The following PAPPA variants were observed in gnomAD, a reference collection of about 807,000 sequenced individuals.
The protein encoded by PAPPA is pappalysin-1.
A neutral mutation model predicts 164.0 loss-of-function variants in PAPPA; 60 were observed. That is an observed-to-expected ratio of 0.37 (90% CI 0.30 to 0.45). The LOEUF (loss-of-function observed/expected upper bound fraction) is 0.45. Among genes scored for constraint, PAPPA ranks in the 20% least tolerant of loss-of-function variants. The pLI, the probability that PAPPA is intolerant of heterozygous loss-of-function variation, is 1.00. For missense variants in PAPPA, 1,782 were observed against 2,087.3 expected (o/e 0.85, Z 2.85); for synonymous variants, 875 against 814.1 (o/e 1.07, Z -1.27).
At chr9:116,326,611 C>T (rs1395845700) in intron 10 of PAPPA, among the ~76,000 whole-genome samples, 1 of 152,174 alleles carries the variant, frequency 6.6e-6, no homozygotes, top group Non-Finnish European at 1.5e-5. Flanking sequence ...GATCTACCCT[C>T]TTAACAAATT....
intron 7 of PAPPA, among the ~76,000 whole-genome samples, chr9:116,257,130 G>T (rs1844937437): frequency 6.6e-6 from 1 of 151,936 alleles, no homozygotes; most frequent in Admixed American, 6.6e-5. Context: ...ACAGAATTCA[G>T]CAATGTATTA....
chr9:116,246,314 A>G (rs1236121832), intron 7 of PAPPA, among the ~76,000 whole-genome samples: 1 of 152,170 alleles, frequency 6.6e-6, no homozygotes, highest in Non-Finnish European at 1.5e-5. Context: ...CTGGTAAAAT[A>G]ATGGGTTTGA....
chr9:116,358,918 C>T (rs1035966920), intron 17 of PAPPA, among the ~76,000 whole-genome samples: 1 of 152,188 alleles, frequency 6.6e-6, no homozygotes. Flanking sequence ...TGAGTAAGAA[C>T]CTCATCTGAC....
chr9:116,340,310 T>C (rs939553530), intron 13 of PAPPA, among the ~76,000 whole-genome samples: 1 of 152,216 alleles, frequency 6.6e-6, no homozygotes, highest in African/African-American at 2.4e-5. Context: ...GTTAGGGTAA[T>C]GTTTATCATT....
chr9:116,246,681 A>C (rs1176682246), intron 7 of PAPPA, among the ~76,000 whole-genome samples: 1 of 152,168 alleles, frequency 6.6e-6, no homozygotes, highest in Non-Finnish European at 1.5e-5. Context: ...GAGTCTAGAC[A>C]TTGAAGTCAA....
chr9:116,216,873 C>T (rs1309467134), intron 4 of PAPPA, among the ~76,000 whole-genome samples: 1 of 152,114 alleles, frequency 6.6e-6, no homozygotes, highest in Non-Finnish European at 1.5e-5. Flanking sequence ...TCCTGAGTAG[C>T]TGGGATTACA....
intron 9 of PAPPA, among the ~76,000 whole-genome samples, chr9:116,274,343 C>T (rs1180449002): frequency 1.3e-5 from 2 of 152,168 alleles, no homozygotes; most frequent in Non-Finnish European, 2.9e-5. Flanking sequence ...TCCCAGAGAT[C>T]CCAGCTCCCA....
In PAPPA at chr9:116,154,580, G is replaced by C; in HGVS notation, c.408G>C (p.Val136=). ...AGGGGGGCCAGAGGTCTCCGGCAGT[G>C]ATCACAGGTAGGTGAGGGCGCCTCG... ...RAEGGQRSPA[V]ITGLYDKCSY... is the part of the protein sequence containing the mutation. The change falls in exon 1 of 22, where the codon GTG becomes GTC. Residue 136 remains valine, a synonymous_variant. Transcript: ENST00000328252. The surrounding 1 kb of genome is among the most constrained non-coding windows in gnomAD (Gnocchi z 5.2). 5 of 1,376,972 alleles carry C rather than the reference G, an allele frequency of 3.6e-6. No homozygotes were observed. Among genetic ancestry groups the C allele is most frequent in the Non-Finnish European group, 4.7e-6 (5 of 1,065,254 alleles). 85.3% of individuals were successfully genotyped at this position (1,376,972 alleles called of 1,614,324 possible).
At chr9:116,210,557 T>A (rs1844294132) in intron 3 of PAPPA, among the ~76,000 whole-genome samples, 1 of 152,212 alleles carries the variant, frequency 6.6e-6, no homozygotes, top group African/African-American at 2.4e-5. Context: ...CATTTTAAAA[T>A]TTTAAAGTTT....
At chr9:116,216,314 T>A (rs1844370978) in intron 4 of PAPPA, among the ~76,000 whole-genome samples, 1 of 152,080 alleles carries the variant, frequency 6.6e-6, no homozygotes, top group South Asian at 2.1e-4. Flanking sequence ...GTGTCCAAAG[T>A]CCTAAGTGGA....
intron 2 of PAPPA, among the ~76,000 whole-genome samples, chr9:116,200,757 CA>C (rs1368549980): frequency 6.6e-6 from 1 of 151,456 alleles, no homozygotes; most frequent in Admixed American, 6.6e-5. Flanking sequence ...AATAGAATCT[CA>C]GTAAGTGTTG....
chr9:116,196,354 G>A (rs1317361974), intron 2 of PAPPA, among the ~76,000 whole-genome samples: 2 of 152,112 alleles, frequency 1.3e-5, no homozygotes, highest in East Asian at 3.9e-4. Flanking sequence ...CCCACCCTGG[G>A]TTTGGCATGC....
chr9:116,175,041 G>A (rs967967938), intron 1 of PAPPA, among the ~76,000 whole-genome samples: 1 of 152,108 alleles, frequency 6.6e-6, no homozygotes, highest in Non-Finnish European at 1.5e-5. Flanking sequence ...AGTGTGACTT[G>A]CCTAAGGTCT....
intron 1 of PAPPA, among the ~76,000 whole-genome samples, chr9:116,176,516 C>T (rs1843836737): frequency 6.6e-6 from 1 of 152,092 alleles, no homozygotes; most frequent in African/African-American, 2.4e-5. Context: ...TACCAAGTAA[C>T]AGAAGAAAAG....
intron 4 of PAPPA, among the ~76,000 whole-genome samples, chr9:116,215,697 A>C (rs771267964): frequency 6.6e-6 from 1 of 152,172 alleles, no homozygotes; most frequent in Non-Finnish European, 1.5e-5. Context: ...CCCTTGATAC[A>C]AGTTTACCTA....
chr9:116,293,123 G>A (rs145950814), intron 9 of PAPPA, among the ~76,000 whole-genome samples: 54 of 152,288 alleles, frequency 3.5e-4, no homozygotes, highest in African/African-American at 9.1e-4. Flanking sequence ...GGAGAGAACC[G>A]ATAGGTGAAG....
At chr9:116,344,843 T>G in intron 14 of PAPPA, 132 bp downstream of exon 14, 2 of 701,626 alleles carry the variant, frequency 2.9e-6, no homozygotes, top group Non-Finnish European at 4.7e-6. Context: ...TCAATAAATA[T>G]TTATTGATTA....
At chr9:116,165,488 C>T (rs1178915549) in intron 1 of PAPPA, among the ~76,000 whole-genome samples, 6 of 152,146 alleles carry the variant, frequency 3.9e-5, no homozygotes, top group Admixed American at 3.9e-4. Context: ...TAGACAAACT[C>T]TCTTCTCTGT....
chr9:116,335,959 A>G (rs983807967), intron 13 of PAPPA, among the ~76,000 whole-genome samples: 14 of 152,208 alleles, frequency 9.2e-5, no homozygotes, highest in African/African-American at 3.4e-4. Context: ...TTTGATGATG[A>G]TGGTGCTGCT....
Sources: allele counts gnomAD v4.1 joint callset (sites outside exome capture counted in the v4.1 genomes callset), GRCh38; gene constraint gnomAD v4.1.1; non-coding constraint Gnocchi (gnomAD v3.1); transcripts MANE v1.5; gene names NCBI Gene and HGNC (gene_info 2026-07-23, HGNC 2026-07-21).